Variants in GRIN2B observed in about 807,000 individuals in gnomAD.
The protein encoded by GRIN2B is glutamate receptor ionotropic, NMDA 2B.
In GRIN2B, 5 loss-of-function variants were observed where a neutral mutation model predicts 114.5. The observed-to-expected ratio is 0.04, with a 90% CI of 0.02 to 0.09. The LOEUF (loss-of-function observed/expected upper bound fraction) is 0.09. Ranked by LOEUF, GRIN2B falls within the 10% of genes least tolerant of loss-of-function variation. The probability of loss-of-function intolerance (pLI) is 1.00; values close to 1 mark genes in which losing one functional copy is unlikely to be tolerated. For synonymous variants in GRIN2B, 787 were observed against 745.1 expected, an observed-to-expected ratio of 1.06 and a Z score of -0.92; for missense variants, 1,108 against 1,943.5, an observed-to-expected ratio of 0.57 and a Z score of 8.08.
At position 13,547,620 on chromosome 12, in the gene GRIN2B, G is replaced by A. The variant is rs1483093805; in HGVS notation, c.*15163C>T. The A allele has an allele frequency of 6.6e-6, 1 of 152,108 alleles. No individual in the cohort carries two copies. Among genetic ancestry groups the A allele is most frequent in the Non-Finnish European group, 1.5e-5 (1 of 68,008 alleles). The allele number at this position is 152,108 out of a possible 1,614,324, so 9.4% of individuals were successfully genotyped here. ...GAAAACAATAATTGGCCTAGGAGAT[G>A]GGAGTTTTGTTCTTGGTCTTAGTTG... On this transcript the variant is annotated 3_prime_UTR_variant, in exon 14 of 14. Coordinates refer to ENST00000609686, the MANE Select transcript of GRIN2B (RefSeq NM_000834.5).
At chr12:13,824,769 T>C (rs893903187) in intron 3 of GRIN2B, among the ~76,000 whole-genome samples, 11 of 149,884 alleles carry the variant, frequency 7.3e-5, no homozygotes, top group African/African-American at 2.7e-4. Flanking sequence ...GGCAGGAGAA[T>C]TGCTTGAACC....
intron 5 of GRIN2B, among the ~76,000 whole-genome samples, chr12:13,657,046 G>GAGTC (rs985303375): frequency 6.6e-6 from 1 of 152,194 alleles, no homozygotes; most frequent in African/African-American, 2.4e-5. Flanking sequence ...TGTCCTGCTT[G>GAGTC]AGTCACACAG....
chr12:13,721,237 G>A (rs1289767867), intron 4 of GRIN2B, among the ~76,000 whole-genome samples: 5 of 152,098 alleles, frequency 3.3e-5, no homozygotes, highest in Admixed American at 3.3e-4. Flanking sequence ...GGAGTCAGAA[G>A]ACAGCAGCCA....
intron 3 of GRIN2B, among the ~76,000 whole-genome samples, chr12:13,759,274 G>C (rs145478200): frequency 0.012 from 1,799 of 152,102 alleles, 12 homozygotes; most frequent in South Asian, 0.048. Flanking sequence ...CTCCCAAAGT[G>C]CTGCGATTAC....
intron 5 of GRIN2B, among the ~76,000 whole-genome samples, chr12:13,674,232 C>G (rs752614335): frequency 6.6e-6 from 1 of 152,042 alleles, no homozygotes; most frequent in Non-Finnish European, 1.5e-5. Context: ...TGGTGATACA[C>G]ACCTATAGTC....
chr12:13,816,652 C>T (rs543722987), intron 3 of GRIN2B, among the ~76,000 whole-genome samples: 7 of 152,216 alleles, frequency 4.6e-5, no homozygotes, highest in Admixed American at 2.6e-4. Context: ...ACTAAAGCAT[C>T]GCTCCAACAC....
intron 3 of GRIN2B, among the ~76,000 whole-genome samples, chr12:13,830,971 G>A (rs1335936551): frequency 6.6e-6 from 1 of 152,208 alleles, no homozygotes; most frequent in Non-Finnish European, 1.5e-5. Context: ...AAGTGTTTGG[G>A]TCATGGAGGT....
chr12:13,646,994 A>T (rs1949766674), intron 5 of GRIN2B, among the ~76,000 whole-genome samples: 1 of 152,074 alleles, frequency 6.6e-6, no homozygotes, highest in South Asian at 2.1e-4. Flanking sequence ...CCCAGTAAGA[A>T]CCTCAGCCAA....
At chr12:13,928,263 A>G (rs1866954700) in intron 2 of GRIN2B, among the ~76,000 whole-genome samples, 1 of 150,916 alleles carries the variant, frequency 6.6e-6, no homozygotes. Context: ...AGATTGCGCC[A>G]TTACACTCCA....
At chr12:13,710,168 C>T (rs1950400453) in intron 4 of GRIN2B, among the ~76,000 whole-genome samples, 1 of 151,932 alleles carries the variant, frequency 6.6e-6, no homozygotes, top group Admixed American at 6.6e-5. Flanking sequence ...GCCAGACATA[C>T]AGTAAGATAT....
chr12:13,692,577 C>T (rs558700576), intron 4 of GRIN2B, among the ~76,000 whole-genome samples: 1 of 151,908 alleles, frequency 6.6e-6, no homozygotes, highest in African/African-American at 2.4e-5. Context: ...ACTGCCGTGT[C>T]TACATGGTGC....
At chr12:13,609,698 G>A (rs558038303) in intron 9 of GRIN2B, among the ~76,000 whole-genome samples, 5 of 152,024 alleles carry the variant, frequency 3.3e-5, no homozygotes, top group Admixed American at 1.3e-4. Flanking sequence ...GTGTGAACCC[G>A]GGAGGCGGAG....
chr12:13,851,481 T>C (rs1865565505), intron 3 of GRIN2B, among the ~76,000 whole-genome samples: 1 of 152,208 alleles, frequency 6.6e-6, no homozygotes, highest in Admixed American at 6.5e-5. Context: ...TGACATGTTC[T>C]ACTCACCAGT....
At chr12:13,716,962 C>G (rs545135680) in intron 4 of GRIN2B, among the ~76,000 whole-genome samples, 1 of 151,728 alleles carries the variant, frequency 6.6e-6, no homozygotes, top group Non-Finnish European at 1.5e-5. Context: ...TTTCTGCAAA[C>G]CCAGAAAATA....
chr12:13,667,639 T>A (rs1281479026), intron 5 of GRIN2B, among the ~76,000 whole-genome samples: 1 of 152,178 alleles, frequency 6.6e-6, no homozygotes, highest in Non-Finnish European at 1.5e-5. Flanking sequence ...AGTTTCATGC[T>A]TTTGAAAAAC....
At chr12:13,727,601 C>T (rs916859037) in intron 4 of GRIN2B, among the ~76,000 whole-genome samples, 2 of 152,096 alleles carry the variant, frequency 1.3e-5, no homozygotes, top group African/African-American at 4.8e-5. Context: ...ATATAAATCC[C>T]GTTATTACAA....
At chr12:13,933,982 A>G (rs1404366214) in intron 2 of GRIN2B, among the ~76,000 whole-genome samples, 2 of 152,230 alleles carry the variant, frequency 1.3e-5, no homozygotes, top group African/African-American at 4.8e-5. Flanking sequence ...TGATTCTCCT[A>G]AAATATCTGT....
At chr12:13,577,759 G>A (rs1008952037) in intron 10 of GRIN2B, among the ~76,000 whole-genome samples, 1 of 152,116 alleles carries the variant, frequency 6.6e-6, no homozygotes, top group Admixed American at 6.5e-5. Context: ...TATTTGCCCA[G>A]CATCTATTAG....
intron 2 of GRIN2B, among the ~76,000 whole-genome samples, chr12:13,870,344 C>T (rs1417739032): frequency 6.6e-6 from 1 of 152,094 alleles, no homozygotes; most frequent in African/African-American, 2.4e-5. Context: ...AACAAAGCAG[C>T]AGGATTAGAG....
Sources: allele counts gnomAD v4.1 joint callset (sites outside exome capture counted in the v4.1 genomes callset), GRCh38; gene constraint gnomAD v4.1.1; transcripts MANE v1.5; gene names NCBI Gene and HGNC (gene_info 2026-07-23, HGNC 2026-07-21).